The following SGCD variants were observed in gnomAD, a reference collection of about 807,000 sequenced individuals.
The protein encoded by SGCD is delta-sarcoglycan.
Under a neutral mutation model 36.6 loss-of-function variants are expected in SGCD, and 18 were observed. The observed-to-expected ratio is 0.49, with a 90% CI of 0.34 to 0.73. The LOEUF (loss-of-function observed/expected upper bound fraction) is 0.73. Ranked by LOEUF, SGCD falls within the 30% of genes least tolerant of loss-of-function variation. The pLI is 0.01. For synonymous variants in SGCD, 133 were observed against 130.6 expected (o/e 1.02, Z -0.12); for missense variants, 387 against 346.7 (o/e 1.12, Z -0.92).
intron 3 of SGCD, among the ~76,000 whole-genome samples, chr5:156,185,869 A>AGAGAGAGAGAGG (rs1763743460): frequency 8.5e-6 from 1 of 117,778 alleles, no homozygotes; most frequent in South Asian, 2.8e-4. Flanking sequence ...AGAGAGAGAG[A>AGAGAGAGAGAGG]GAGAGAGAGA....
chr5:156,120,201 T>C (rs891570997), intron 2 of SGCD, among the ~76,000 whole-genome samples: 7 of 152,138 alleles, frequency 4.6e-5, no homozygotes, highest in Admixed American at 1.3e-4. Context: ...ATTTGGTGAA[T>C]ACTTTTTTGT....
intron 1 of SGCD, among the ~76,000 whole-genome samples, chr5:155,942,170 G>A (rs1757338003): frequency 6.6e-6 from 1 of 152,176 alleles, no homozygotes; most frequent in South Asian, 2.1e-4. Context: ...ACTATGTGAA[G>A]ATAATGGAGA....
At chr5:155,818,872 A>G in the SGCD span, among the ~76,000 whole-genome samples, 1 of 152,084 alleles carries the variant, frequency 6.6e-6, no homozygotes, top group Non-Finnish European at 1.5e-5. Context: ...CCTTTACTCC[A>G]CTTCCAACTT....
rs1015781484 is a variant in SGCD, at chr5:156,434,459, C to T, written c.193-74142C>T. 7.9e-5 allele frequency among the ~76,000 whole-genome samples: 12 copies of T among 152,292 alleles called. No homozygotes were observed. In the South Asian group the frequency reaches 2.5e-3, roughly 32 times the overall value. Reference sequence around the variant, plus strand: ...TATTTTTCAGCCCTTGTCATATTGGCCCACTTAGGGAAGGGTAACTACAGA... The same window carrying T: ...TATTTTTCAGCCCTTGTCATATTGGTCCACTTAGGGAAGGGTAACTACAGA... On this transcript the variant is annotated intron_variant, in intron 3 of 8. Transcript: ENST00000337851.
At chr5:156,587,676 T>C (rs1581213750) in intron 4 of SGCD, among the ~76,000 whole-genome samples, 1 of 152,272 alleles carries the variant, frequency 6.6e-6, no homozygotes, top group East Asian at 1.9e-4. Context: ...CACAATTTTC[T>C]TACCTCTATG....
intron 3 of SGCD, among the ~76,000 whole-genome samples, chr5:156,362,715 G>T (rs767227325): frequency 5.3e-5 from 8 of 152,160 alleles, no homozygotes; most frequent in Non-Finnish European, 8.8e-5. Flanking sequence ...TAGTCTCTGG[G>T]ATGGACCACT....
At chr5:156,569,053 T>C (rs1310725759) in intron 4 of SGCD, among the ~76,000 whole-genome samples, 1 of 152,086 alleles carries the variant, frequency 6.6e-6, no homozygotes, top group Non-Finnish European at 1.5e-5. Flanking sequence ...GTATTCCAGA[T>C]GTGCTCTTAC....
At chr5:155,744,844 T>C in the SGCD span, among the ~76,000 whole-genome samples, 1 of 152,200 alleles carries the variant, frequency 6.6e-6, no homozygotes, top group African/African-American at 2.4e-5. Flanking sequence ...ATAATGGCTA[T>C]TTTCTAAAAC....
chr5:155,793,840 C>T, the SGCD span, among the ~76,000 whole-genome samples: 9 of 151,392 alleles, frequency 5.9e-5, no homozygotes, highest in East Asian at 5.8e-4. Flanking sequence ...TGAGCCACCG[C>T]GCTCATCCAA....
At chr5:155,814,195 C>T in the SGCD span, among the ~76,000 whole-genome samples, 36 of 152,326 alleles carry the variant, frequency 2.4e-4, no homozygotes, top group African/African-American at 8.4e-4. Context: ...GTGCCACCCA[C>T]GTGGCTCTTG....
chr5:156,298,188 T>C (rs535892144), intron 3 of SGCD, among the ~76,000 whole-genome samples: 1 of 152,310 alleles, frequency 6.6e-6, no homozygotes, highest in Admixed American at 6.5e-5. Flanking sequence ...TCTGTTGATG[T>C]ACACTTAGGT....
intron 3 of SGCD, among the ~76,000 whole-genome samples, chr5:156,274,729 A>T (rs768171195): frequency 4.6e-5 from 7 of 152,162 alleles, no homozygotes; most frequent in African/African-American, 9.7e-5. Flanking sequence ...ACAGAGGGTA[A>T]AAAGGCTGGA....
At chr5:156,553,288 G>C (rs2113208470) in intron 4 of SGCD, among the ~76,000 whole-genome samples, 1 of 152,148 alleles carries the variant, frequency 6.6e-6, no homozygotes, top group Non-Finnish European at 1.5e-5. Flanking sequence ...AGGTTTAGAG[G>C]GAACAAACAT....
At chr5:156,722,160 C>T (rs1755541604) in intron 7 of SGCD, among the ~76,000 whole-genome samples, 1 of 152,226 alleles carries the variant, frequency 6.6e-6, no homozygotes, top group Admixed American at 6.5e-5. Context: ...CAGAAGCCCA[C>T]AGTGTAGTCG....
At chr5:156,076,737 C>A (rs998270167) in intron 1 of SGCD, among the ~76,000 whole-genome samples, 3 of 152,258 alleles carry the variant, frequency 2.0e-5, no homozygotes, top group Non-Finnish European at 4.4e-5. Flanking sequence ...CAATGGAGCA[C>A]CCTAGACTTG....
At chr5:155,996,016 A>G (rs1332786833) in intron 1 of SGCD, among the ~76,000 whole-genome samples, 1 of 87,650 alleles carries the variant, frequency 1.1e-5, no homozygotes, top group Non-Finnish European at 3.1e-5. Flanking sequence ...AAGAACTTAC[A>G]AAAAAAAAAA....
intron 6 of SGCD, among the ~76,000 whole-genome samples, chr5:156,606,056 C>A (rs978746173): frequency 1.3e-5 from 2 of 152,130 alleles, no homozygotes; most frequent in African/African-American, 4.8e-5. Context: ...TTAATTAGAT[C>A]CCATTTGTCA....
chr5:155,888,323 C>T (rs966752820), intron 1 of SGCD, among the ~76,000 whole-genome samples: 3 of 152,178 alleles, frequency 2.0e-5, no homozygotes. Context: ...TCCTTCATGG[C>T]CGTCTTACCA....
At chr5:155,970,424 A>T (rs1163475733) in intron 1 of SGCD, among the ~76,000 whole-genome samples, 2 of 152,322 alleles carry the variant, frequency 1.3e-5, no homozygotes, top group Admixed American at 6.5e-5. Context: ...GATGTGAATT[A>T]TGTGTTAAAA....
Sources: gnomAD v4.1 joint callset for allele counts (sites outside exome capture counted in the v4.1 genomes callset) on GRCh38, gnomAD v4.1.1 for gene constraint, MANE v1.5 for transcripts, NCBI Gene and HGNC (gene_info 2026-07-23, HGNC 2026-07-21) for gene names.